Variants in MACO1 observed in about 807,000 individuals in gnomAD.
MACO1 encodes macoilin 1, also known as macoilin.
MACO1 carries 14 observed loss-of-function variants against 78.7 expected under a neutral mutation model. The observed-to-expected ratio is 0.18, with a 90% CI of 0.12 to 0.28. The LOEUF (loss-of-function observed/expected upper bound fraction) is 0.28, where lower values mean the gene tolerates loss of function less well. Ranked by LOEUF, MACO1 falls within the 10% of genes least tolerant of loss-of-function variation. MACO1 has a pLI of 1.00. For synonymous variants in MACO1, 288 were observed against 291.6 expected, an observed-to-expected ratio of 0.99 and a Z score of 0.12; for missense variants, 501 against 799.0, an observed-to-expected ratio of 0.63 and a Z score of 4.50.
In MACO1 at chr1:25,431,058, A is replaced by ACGGCGG. The variant is rs764650744; in HGVS notation, c.-32_-27dup. 6 of 1,514,850 alleles carry ACGGCGG rather than the reference A, an allele frequency of 4.0e-6. No individual in the cohort carries two copies. The highest frequency in any genetic ancestry group is 5.3e-6 in the Non-Finnish European group (6 of 1,124,656). The allele number at this position is 1,514,850 out of a possible 1,614,324, so 93.8% of individuals were successfully genotyped here. ...GCGGCGGCGGCAGCTGAGGTGAGAGACGGCGGCGGCGGCGCGGGCACCCGG... is the reference window on the plus strand; with the variant it reads ...GCGGCGGCGGCAGCTGAGGTGAGAGACGGCGGCGGCGGCGGCGGCGCGGGCACCCGG... On this transcript the variant is annotated 5_prime_UTR_variant, in exon 1 of 11. Transcript: ENST00000374343.
Position 25,431,077 on chromosome 1 carries a change from C to T in MACO1, c.-22C>T, listed in dbSNP as rs1465890849. ...TGAGAGACGGCGGCGGCGGCGCGGG[C>T]ACCCGGCCCCCCAGCGGGAGGATGA... On this transcript the variant is annotated 5_prime_UTR_variant, in exon 1 of 11. Coordinates refer to ENST00000374343, the MANE Select transcript of MACO1 (RefSeq NM_018202.6). The T allele has an allele frequency of 1.3e-6, 2 of 1,564,936 alleles. No individual in the cohort carries two copies. The highest frequency in any genetic ancestry group is 3.8e-5 in the Admixed American group (2 of 52,542).
chr1:25,479,951 A>G (rs1015670659), intron 6 of MACO1, among the ~76,000 whole-genome samples: 1 of 152,204 alleles, frequency 6.6e-6, no homozygotes, highest in Admixed American at 6.5e-5. Flanking sequence ...AGAAAAAAAC[A>G]TACAGAAAAG....
chr1:25,472,709 T>G (rs1033112621), intron 6 of MACO1, among the ~76,000 whole-genome samples: 1 of 152,196 alleles, frequency 6.6e-6, no homozygotes, highest in South Asian at 2.1e-4. Flanking sequence ...ATTCAGGCTT[T>G]GGGGGTTCCC....
rs746712662 is a variant in MACO1, at chr1:25,456,679, G to A, written c.500G>A (p.Gly167Glu). The change falls in exon 5 of 11, where the codon GGG becomes GAG. Residue 167 changes from glycine (G) to glutamate (E), a missense_variant. Around this residue, in one of 5 missense-constraint regions of MACO1, gnomAD observed 171 missense variants for 292.1 expected, o/e 0.59. Coordinates refer to ENST00000374343, the MANE Select transcript of MACO1 (RefSeq NM_018202.6). Reference protein sequence around the residue: ...HCIGYPVVTLGFGFKSYVSYK... With the variant: ...HCIGYPVVTLEFGFKSYVSYK... ...ATTGGGTACCCTGTGGTAACTTTGG[G>A]GTTTGGCTTCAAAAGTTACGTAAGC... 1 of 1,613,492 alleles carries A rather than the reference G, an allele frequency of 6.2e-7. No homozygotes were observed. The highest frequency in any genetic ancestry group is 1.1e-5 in the South Asian group (1 of 90,920).
At chr1:25,447,734 T>A (rs2043028644) in intron 2 of MACO1, among the ~76,000 whole-genome samples, 1 of 152,180 alleles carries the variant, frequency 6.6e-6, no homozygotes, top group African/African-American at 2.4e-5. Context: ...GAAAATAGTT[T>A]TAACCTCAAA....
chr1:25,492,012 A>T (rs912149670), intron 10 of MACO1, among the ~76,000 whole-genome samples: 2 of 152,268 alleles, frequency 1.3e-5, no homozygotes, highest in African/African-American at 4.8e-5. Flanking sequence ...GAGTTGGCCC[A>T]GTGAAGCAGC....
intron 6 of MACO1, among the ~76,000 whole-genome samples, chr1:25,465,856 A>T (rs1263128569): frequency 6.6e-6 from 1 of 152,224 alleles, no homozygotes; most frequent in Non-Finnish European, 1.5e-5. Context: ...GAGTACAAAC[A>T]TGTAATATCA....
At position 25,464,975 on chromosome 1, in the gene MACO1, A is replaced by G. The variant is rs1343727786; in HGVS notation, c.1154+6083A>G. The stretch of plus-strand genomic sequence containing the variant: ...AGGCATGAGCCACTGCGCCCAGGCA[A>G]TTTTTTTTTTTTTTTAATATAGAGA... On this transcript the variant is annotated intron_variant, in intron 6 of 10. Coordinates refer to ENST00000374343, the MANE Select transcript of MACO1 (RefSeq NM_018202.6). Among the ~76,000 whole-genome samples, 7 of 141,238 alleles carry G rather than the reference A, an allele frequency of 5.0e-5. No homozygotes were observed. The South Asian group carries it at 1.6e-3, about 32-fold the overall frequency. The allele number at this position is 141,238 out of a possible 152,430, so 92.7% of individuals were successfully genotyped here.
intron 3 of MACO1, among the ~76,000 whole-genome samples, chr1:25,452,396 T>A (rs1169405216): frequency 1.3e-5 from 2 of 152,222 alleles, no homozygotes; most frequent in African/African-American, 2.4e-5. Context: ...TTGCATCTTA[T>A]TTTGTTGCAA....
chr1:25,464,659 C>T (rs1159361423), intron 6 of MACO1, among the ~76,000 whole-genome samples: 1 of 75,378 alleles, frequency 1.3e-5, no homozygotes, highest in Non-Finnish European at 2.8e-5. Flanking sequence ...TTTCTTCCCC[C>T]ACCCCCCCCC....
At chr1:25,482,741 G>A (rs768604073) in intron 6 of MACO1, among the ~76,000 whole-genome samples, 1 of 152,170 alleles carries the variant, frequency 6.6e-6, no homozygotes, top group Non-Finnish European at 1.5e-5. Context: ...GAGCTAGACT[G>A]CCTGGATGAC....
At chr1:25,446,937 G>A (rs368659393) in intron 2 of MACO1, 34 bp downstream of exon 2, 118 of 1,599,266 alleles carry the variant, frequency 7.4e-5, no homozygotes, top group Middle Eastern at 1.7e-4. Flanking sequence ...CCATGTGTGG[G>A]GACCATTCAG....
intron 6 of MACO1, among the ~76,000 whole-genome samples, chr1:25,482,606 T>C (rs1471353918): frequency 6.6e-6 from 1 of 152,158 alleles, no homozygotes; most frequent in Non-Finnish European, 1.5e-5. Context: ...CCCAAGTCAA[T>C]CTCTACCTGC....
intron 6 of MACO1, among the ~76,000 whole-genome samples, chr1:25,473,820 G>C (rs935896781): frequency 6.6e-6 from 1 of 152,162 alleles, no homozygotes; most frequent in Non-Finnish European, 1.5e-5. Flanking sequence ...AATCTCTTGG[G>C]TACCTCTTAG....
chr1:25,482,981 C>G (rs1168371044), intron 6 of MACO1, among the ~76,000 whole-genome samples: 1 of 152,096 alleles, frequency 6.6e-6, no homozygotes, highest in Non-Finnish European at 1.5e-5. Flanking sequence ...TTTCTTGGTT[C>G]CTATTTCTTT....
intron 5 of MACO1, among the ~76,000 whole-genome samples, chr1:25,457,324 C>T (rs1294867031): frequency 6.6e-6 from 1 of 151,994 alleles, no homozygotes; most frequent in Non-Finnish European, 1.5e-5. Flanking sequence ...GTTGTTCAGG[C>T]TAGTCTCAAA....
At chr1:25,441,472 A>C (rs1156537980) in intron 1 of MACO1, among the ~76,000 whole-genome samples, 1 of 152,222 alleles carries the variant, frequency 6.6e-6, no homozygotes, top group Non-Finnish European at 1.5e-5. Context: ...GGCGTGAGCC[A>C]CTGCTCCCGG....
At chr1:25,468,299 C>G (rs1284409302) in intron 6 of MACO1, among the ~76,000 whole-genome samples, 2 of 152,072 alleles carry the variant, frequency 1.3e-5, no homozygotes, top group African/African-American at 2.4e-5. Context: ...AGCCTAGAGC[C>G]CCACAGCATG....
chr1:25,488,729 C>A (rs1571989615), intron 8 of MACO1, among the ~76,000 whole-genome samples: 2 of 152,212 alleles, frequency 1.3e-5, no homozygotes, highest in Admixed American at 1.3e-4. Context: ...AAGTGATCCA[C>A]CTGCCTTGGC....
Sources: gnomAD v4.1 joint callset for allele counts (sites outside exome capture counted in the v4.1 genomes callset) on GRCh38, gnomAD v4.1.1 for gene constraint, gnomAD v4.1.1 regional missense constraint, MANE v1.5 for transcripts, NCBI Gene and HGNC (gene_info 2026-07-23, HGNC 2026-07-21) for gene names.